The following SMTN variants were observed in gnomAD, a reference collection of about 807,000 sequenced individuals.
SMTN encodes the protein smoothelin.
Under a neutral mutation model 102.0 loss-of-function variants are expected in SMTN, and 58 were observed. The observed-to-expected ratio is 0.57, with a 90% CI of 0.46 to 0.71. The LOEUF is 0.71. Among genes scored for constraint, SMTN ranks in the 30% least tolerant of loss-of-function variants. The pLI is 0.00. For synonymous variants in SMTN, 478 were observed against 497.9 expected (o/e 0.96, Z 0.53); for missense variants, 1,185 against 1,241.7 (o/e 0.95, Z 0.69).
At position 31,089,708 on chromosome 22, in the gene SMTN, C is replaced by T. The variant is rs767102402; in HGVS notation, c.481C>T (p.Arg161Ter). Residue 161 changes from arginine to a stop codon, truncating the protein, a stop_gained, in exon 7 of 21, where the codon CGA becomes TGA. Coordinates refer to ENST00000333137, the MANE Select transcript of SMTN (RefSeq NM_134269.3). LOFTEE classifies it high-confidence loss of function. ...TGTGGGTCCCTTACAGGTGCCAGAGCGAGAGGAACAGGAACAGCAGGCAGA... is the reference window on the plus strand; with the variant it reads ...TGTGGGTCCCTTACAGGTGCCAGAGTGAGAGGAACAGGAACAGCAGGCAGA... ...HRLEQCEVPE[R>*]EEQEQQAEVS... 5 of 1,596,972 alleles carry T rather than the reference C, an allele frequency of 3.1e-6. No homozygotes were observed. The highest frequency in any genetic ancestry group is 2.2e-5 in the South Asian group (2 of 90,764).
rs376226707 is a variant in SMTN, at chr22:31,097,318, C to A, written c.2139C>A (p.Ser713=). The change falls in exon 16 of 21, where the codon TCC becomes TCA. Residue 713 remains serine (S), a synonymous_variant. Coordinates refer to ENST00000333137, the MANE Select transcript of SMTN (RefSeq NM_134269.3). ...AAACCAAGACCTTCTCCTCTTCCTC[C>A]TCATCCAAGAAGATGGGCAGGTGAG... The part of the protein sequence containing the change: ...MMQTKTFSSS[S]SSKKMGSIFD... The A allele has an allele frequency of 9.4e-5, 152 of 1,614,168 alleles. No individual in the cohort carries two copies. The highest frequency in any genetic ancestry group is 1.8e-4 in the Admixed American group (11 of 60,026).
Position 31,095,541 on chromosome 22 carries a change from A to G in SMTN, c.1793A>G (p.Gln598Arg). 6.2e-7 allele frequency: 1 copy of G among 1,614,208 alleles called. No individual in the cohort carries two copies. The highest frequency in any genetic ancestry group is 8.5e-7 in the Non-Finnish European group (1 of 1,180,026). Reference protein sequence around the residue: ...DEGVLDKMLDQSTDFEERKLI... With the variant: ...DEGVLDKMLDRSTDFEERKLI... ...GATGGGCTCTATATGCAGCTGGATC[A>G]GAGCACGGACTTTGAAGAGCGGAAG... is the stretch of plus-strand genomic sequence containing the variant. The change falls in exon 13 of 21, where the codon CAG becomes CGG. Residue 598 changes from glutamine (Q) to arginine (R), a missense_variant. Around this residue, in one of 2 missense-constraint regions of SMTN, gnomAD observed 1,096 missense variants for 1,112.7 expected, o/e 0.98. Coordinates refer to ENST00000333137, the MANE Select transcript of SMTN (RefSeq NM_134269.3). This position sits in a 1 kb window ranked among gnomAD's most constrained non-coding sequence, Gnocchi z 4.1.
chr22:31,104,452 G>A lies in SMTN; in HGVS notation c.*157G>A. On this transcript the variant is annotated 3_prime_UTR_variant, in exon 21 of 21. Coordinates refer to ENST00000333137, the MANE Select transcript of SMTN (RefSeq NM_134269.3). ...GCGACGCCACGAACTGCGCCTGCGC[G>A]GCAAGAATGTCTAGCCTGCCCGCCC... 6.2e-7 allele frequency: 1 copy of A among 1,613,744 alleles called. No homozygotes were observed. The highest frequency in any genetic ancestry group is 8.5e-7 in the Non-Finnish European group (1 of 1,179,986).
At chr22:31,067,779 C>G (rs2041894603) in intron 1 of SMTN, 1 of 151,924 alleles carries the variant, frequency 6.6e-6, no homozygotes, top group Non-Finnish European at 1.5e-5. Context: ...GGGATGGTCT[C>G]GATCTCCTGA....
chr22:31,071,549 C>A lies in SMTN; in HGVS notation c.-386+7362C>A, dbSNP rs530845503. 7.9e-5 allele frequency among the ~76,000 whole-genome samples: 12 copies of A among 151,668 alleles called. No individual in the cohort carries two copies. The East Asian group carries it at 1.6e-3, about 20-fold the overall frequency. On this transcript the variant is annotated intron_variant, in intron 1 of 3. Transcript: ENST00000422839. ...GGAGGATCGCTTGAGCCCAGGAGGTCGAGGCTGCAGTGAGCTGCGATCACG... is the reference window on the plus strand; with the variant it reads ...GGAGGATCGCTTGAGCCCAGGAGGTAGAGGCTGCAGTGAGCTGCGATCACG...
chr22:31,074,039 A>C lies in SMTN; in HGVS notation c.-385-6411A>C, dbSNP rs2042070809. Among the ~76,000 whole-genome samples, 3 of 152,164 alleles carry C rather than the reference A, an allele frequency of 2.0e-5. No individual in the cohort carries two copies. The South Asian group carries it at 6.2e-4, about 32-fold the overall frequency. ...ATCTCTTAAGGCCCAATCTCTTAAC[A>C]CCCAGGCTTCGAACTGGCAATGCCA... On this transcript the variant is annotated intron_variant, in intron 1 of 3. Transcript: ENST00000422839.
chr22:31,097,835 C>G (rs1443902420), intron 16 of SMTN, among the ~76,000 whole-genome samples: 1 of 152,138 alleles, frequency 6.6e-6, no homozygotes, highest in Non-Finnish European at 1.5e-5. Context: ...TCCTGCTCTC[C>G]TTGGGATCTC....
chr22:31,084,878 G>C, intron 2 of SMTN: 1 of 1,077,360 alleles, frequency 9.3e-7, no homozygotes. Flanking sequence ...CGCCCCGCGC[G>C]CCGGCCCGGC....
chr22:31,099,293 A>C, intron 18 of SMTN, 114 bp downstream of exon 18: 1 of 697,298 alleles, frequency 1.4e-6, no homozygotes, highest in South Asian at 1.8e-5. Context: ...GTGGCCTCAC[A>C]GGGAACATGG....
At position 31,095,902 on chromosome 22, in the gene SMTN, T is replaced by A; in HGVS notation, c.1861+293T>A. On this transcript the variant is annotated intron_variant, in intron 13 of 20. Coordinates refer to ENST00000333137, the MANE Select transcript of SMTN (RefSeq NM_134269.3). This position sits in a 1 kb window ranked among gnomAD's most constrained non-coding sequence, Gnocchi z 4.1. The stretch of plus-strand genomic sequence containing the variant: ...CTCTCTCCTTGGATCCAGTTGCCTC[T>A]CAAAGTACTGTCAACGACTCCTTCC... The A allele has an allele frequency of 8.5e-6, 4 of 472,912 alleles. No homozygotes were observed. Among genetic ancestry groups the A allele is most frequent in the Non-Finnish European group, 1.1e-5 (3 of 263,752 alleles). 29.3% of individuals were successfully genotyped at this position (472,912 alleles called of 1,614,324 possible).
At chr22:31,093,203 G>A (rs1360934538) in intron 11 of SMTN, among the ~76,000 whole-genome samples, 1 of 152,250 alleles carries the variant, frequency 6.6e-6, no homozygotes, top group African/African-American at 2.4e-5. Flanking sequence ...AGCCAGGCCT[G>A]GCGATCCGCC....
upstream of SMTN, among the ~76,000 whole-genome samples, chr22:31,079,128 G>C (rs2042199443): frequency 6.6e-6 from 1 of 152,212 alleles, no homozygotes. Context: ...GCAGTAGTGG[G>C]AGCCCCACGT....
intron 16 of SMTN, 116 bp downstream of exon 16, chr22:31,097,454 A>G (rs1020606791): frequency 9.2e-5 from 89 of 966,610 alleles, no homozygotes; most frequent in Non-Finnish European, 1.4e-4. Context: ...CTGTAATCCC[A>G]GCACTTTGGG....
Position 31,090,160 on chromosome 22 carries a change from C to T in SMTN, c.845C>T (p.Pro282Leu), listed in dbSNP as rs140288325. Residue 282 changes from proline (P) to leucine (L), a missense_variant, in exon 8 of 21, where the codon CCC (proline) becomes CTC (leucine). Around this residue, in one of 2 missense-constraint regions of SMTN, gnomAD observed 1,096 missense variants for 1,112.7 expected, o/e 0.98. Transcript: ENST00000333137. ...TPAAQSPTRG[P>L]SDTKRADVAG... ...GCTGCCCAGAGCCCCACCAGAGGCCCCTCTGACACCAAGAGAGCAGGTGAG... is the reference window on the plus strand; with the variant it reads ...GCTGCCCAGAGCCCCACCAGAGGCCTCTCTGACACCAAGAGAGCAGGTGAG... 9 of 1,611,558 alleles carry T rather than the reference C, an allele frequency of 5.6e-6. No homozygotes were observed. Among genetic ancestry groups the T allele is most frequent in the Non-Finnish European group, 7.6e-6 (9 of 1,178,978 alleles).
chr22:31,097,954 G>A (rs1336869549), intron 16 of SMTN, among the ~76,000 whole-genome samples: 5 of 152,106 alleles, frequency 3.3e-5, no homozygotes, highest in African/African-American at 1.2e-4. Context: ...CACTTACAGA[G>A]GCCTACCTAC....
chr22:31,085,144 C>T (rs1956220407), intron 2 of SMTN: 2 of 1,535,512 alleles, frequency 1.3e-6, no homozygotes, highest in Non-Finnish European at 1.7e-6. Context: ...ACGCCCTCTG[C>T]CTCGGTCCCG....
Position 31,095,692 on chromosome 22 carries a change from C to A in SMTN, c.1861+83C>A. The stretch of plus-strand genomic sequence containing the variant: ...TCATACTCTGGGGTCCATTTGTGGA[C>A]ACCCCAGCTTAATAACTGCCCTACC... On this transcript the variant is annotated intron_variant, in intron 13 of 20. Transcript: ENST00000333137. This position sits in a 1 kb window ranked among gnomAD's most constrained non-coding sequence, Gnocchi z 4.1. 1 of 1,263,408 alleles carries A rather than the reference C, an allele frequency of 7.9e-7. No homozygotes were observed. 78.3% of individuals were successfully genotyped at this position (1,263,408 alleles called of 1,614,324 possible). A position where few individuals can be genotyped will look rare whatever the true frequency, so the allele number is the denominator to read the frequency against.
intron 15 of SMTN, 53 bp downstream of exon 15, chr22:31,097,113 C>A: frequency 6.4e-7 from 1 of 1,571,890 alleles, no homozygotes; most frequent in East Asian, 2.2e-5. Flanking sequence ...CCCACCTCCT[C>A]CGGCTCTTCC....
chr22:31,073,603 TG>T (rs2042060003), intron 1 of SMTN, among the ~76,000 whole-genome samples: 1 of 152,198 alleles, frequency 6.6e-6, no homozygotes, highest in Non-Finnish European at 1.5e-5. Context: ...AGCCCCAACC[TG>T]TATCAGACTT....
Sources: gnomAD v4.1 joint callset for allele counts (sites outside exome capture counted in the v4.1 genomes callset) on GRCh38, gnomAD v4.1.1 for gene constraint, gnomAD v4.1.1 regional missense constraint, Gnocchi (gnomAD v3.1) non-coding constraint, MANE v1.5 for transcripts, NCBI Gene and HGNC (gene_info 2026-07-23, HGNC 2026-07-21) for gene names.